The following CNTN3 variants were observed in gnomAD, a reference collection of about 807,000 sequenced individuals.
CNTN3 encodes contactin-3.
CNTN3 carries 60 observed loss-of-function variants against 119.1 expected under a neutral mutation model. The ratio of observed to expected loss-of-function variants is 0.50; its 90% CI spans 0.41 to 0.62. The LOEUF (loss-of-function observed/expected upper bound fraction) is 0.62. Among genes scored for constraint, CNTN3 ranks in the 20% least tolerant of loss-of-function variants. The pLI is 0.00. For synonymous variants in CNTN3, 450 were observed against 438.7 expected (o/e 1.03, Z -0.32); for missense variants, 1,101 against 1,242.4 (o/e 0.89, Z 1.71).
intron 1 of CNTN3, among the ~76,000 whole-genome samples, chr3:74,599,268 C>G (rs1408436904): frequency 1.3e-5 from 2 of 152,072 alleles, no homozygotes; most frequent in Non-Finnish European, 2.9e-5. Flanking sequence ...TGCTTTGATA[C>G]TGCTCAATTT....
At chr3:74,595,493 G>A (rs555311183) in intron 1 of CNTN3, among the ~76,000 whole-genome samples, 1 of 152,064 alleles carries the variant, frequency 6.6e-6, no homozygotes, top group Non-Finnish European at 1.5e-5. Context: ...AAACCACCAT[G>A]ATCAAGTGGG....
chr3:74,358,581 C>CT (rs1278876442), intron 11 of CNTN3, among the ~76,000 whole-genome samples: 15,468 of 130,880 alleles, frequency 0.12, 2,531 homozygotes, highest in African/African-American at 0.37. Flanking sequence ...GAAGTGTATT[C>CT]TTTTTTTTTT....
At chr3:74,516,282 C>G (rs1416546938) in intron 2 of CNTN3, among the ~76,000 whole-genome samples, 2 of 143,998 alleles carry the variant, frequency 1.4e-5, no homozygotes, top group Non-Finnish European at 3.0e-5. Context: ...CACAAGTCCA[C>G]ATTTGCATGG....
Position 74,606,146 on chromosome 3 carries a change from A to G in CNTN3, c.-81+8245T>C, listed in dbSNP as rs571163991. Among the ~76,000 whole-genome samples the G allele has an allele frequency of 7.0e-4, 107 of 152,242 alleles. 4 individuals are homozygous for G. In the South Asian group the frequency reaches 0.022, roughly 31 times the overall value. ...GAAGAGTCTATTCAAAAACACAACC[A>G]AAAGCAAACAGGAACACTAAAAAAA... On this transcript the variant is annotated intron_variant, in intron 1 of 22. Transcript: ENST00000263665.
chr3:74,588,715 G>T (rs1414438898), intron 1 of CNTN3, among the ~76,000 whole-genome samples: 1 of 152,108 alleles, frequency 6.6e-6, no homozygotes, highest in East Asian at 1.9e-4. Context: ...ATACTACAAG[G>T]CTACAGTAAC....
intron 5 of CNTN3, among the ~76,000 whole-genome samples, chr3:74,373,954 G>C (rs1236406450): frequency 1.3e-5 from 2 of 152,096 alleles, no homozygotes; most frequent in Non-Finnish European, 2.9e-5. Context: ...TTCACTTCAA[G>C]AGAACCTAAA....
chr3:74,571,777 A>G lies in CNTN3; in HGVS notation c.-81+42614T>C, dbSNP rs1029218469. Among the ~76,000 whole-genome samples, 4 of 152,340 alleles carry G rather than the reference A, an allele frequency of 2.6e-5. No individual in the cohort carries two copies. The East Asian group carries it at 7.7e-4, about 29-fold the overall frequency. ...TTAGAAACTGGGAAGCAAAACTTAT[A>G]GAACTTGGGATCGCTCACTAATATC... On this transcript the variant is annotated intron_variant, in intron 1 of 22. Transcript: ENST00000263665.
intron 13 of CNTN3, among the ~76,000 whole-genome samples, chr3:74,334,185 G>T (rs532762011): frequency 1.3e-5 from 2 of 152,174 alleles, no homozygotes; most frequent in African/African-American, 4.8e-5. Context: ...GAAACACACC[G>T]ATCTGGACTT....
intron 4 of CNTN3, among the ~76,000 whole-genome samples, chr3:74,474,549 A>G (rs1330519912): frequency 3.9e-5 from 6 of 152,042 alleles, no homozygotes; most frequent in Non-Finnish European, 8.8e-5. Flanking sequence ...GTTGGAGTGC[A>G]GTGGTACGAA....
intron 2 of CNTN3, among the ~76,000 whole-genome samples, chr3:74,507,336 T>G (rs559132749): frequency 6.6e-6 from 1 of 151,220 alleles, no homozygotes; most frequent in African/African-American, 2.4e-5. Flanking sequence ...GAGGATCACT[T>G]GGGCCCAGGA....
At chr3:74,522,829 G>A (rs971582598) in intron 1 of CNTN3, among the ~76,000 whole-genome samples, 7 of 151,826 alleles carry the variant, frequency 4.6e-5, no homozygotes, top group Non-Finnish European at 1.0e-4. Flanking sequence ...TAAAAGTGGT[G>A]TGTGCACTGG....
intron 5 of CNTN3, among the ~76,000 whole-genome samples, chr3:74,422,384 T>C (rs1701629941): frequency 6.6e-6 from 1 of 152,150 alleles, no homozygotes; most frequent in African/African-American, 2.4e-5. Context: ...TCACCTACAA[T>C]CCTATTTGAC....
intron 22 of CNTN3, among the ~76,000 whole-genome samples, chr3:74,265,085 C>T (rs1444474628): frequency 1.3e-5 from 2 of 152,106 alleles, no homozygotes; most frequent in African/African-American, 4.8e-5. Context: ...AAGAATGCTT[C>T]ATTGGGTAAG....
At chr3:74,315,682 T>C (rs1702813734) in intron 13 of CNTN3, among the ~76,000 whole-genome samples, 1 of 152,180 alleles carries the variant, frequency 6.6e-6, no homozygotes, top group African/African-American at 2.4e-5. Context: ...CTCTTCTAAA[T>C]AACACATGGA....
chr3:74,269,402 A>T (rs2106747150), intron 20 of CNTN3, among the ~76,000 whole-genome samples: 1 of 152,238 alleles, frequency 6.6e-6, no homozygotes, highest in East Asian at 1.9e-4. Context: ...GAAATTTTGG[A>T]CCAGAGAAAC....
intron 5 of CNTN3, among the ~76,000 whole-genome samples, chr3:74,403,747 T>C (rs974004842): frequency 6.6e-6 from 1 of 152,144 alleles, no homozygotes; most frequent in African/African-American, 2.4e-5. Flanking sequence ...TATTGGGCCT[T>C]TAGAAATATT....
chr3:74,311,699 G>T (rs2106640270), intron 13 of CNTN3, among the ~76,000 whole-genome samples: 1 of 152,302 alleles, frequency 6.6e-6, no homozygotes, highest in Admixed American at 6.5e-5. Context: ...CAGCTAACCT[G>T]ACTTTTGGTT....
intron 4 of CNTN3, among the ~76,000 whole-genome samples, chr3:74,454,087 A>G (rs1384536137): frequency 7.9e-6 from 1 of 126,694 alleles, no homozygotes; most frequent in East Asian, 2.2e-4. Flanking sequence ...TGTCTCGTTG[A>G]TCTGTCTAAT....
intron 1 of CNTN3, among the ~76,000 whole-genome samples, chr3:74,551,506 A>C (rs557620943): frequency 5.7e-4 from 87 of 152,066 alleles, no homozygotes; most frequent in African/African-American, 2.0e-3. Flanking sequence ...CATAGTTTAC[A>C]TTAGGGTTCA....
Sources: gnomAD v4.1 joint callset for allele counts (sites outside exome capture counted in the v4.1 genomes callset) on GRCh38, gnomAD v4.1.1 for gene constraint, MANE v1.5 for transcripts, NCBI Gene and HGNC (gene_info 2026-07-23, HGNC 2026-07-21) for gene names.